The following PLAC9 variants were observed in gnomAD, a reference collection of about 807,000 sequenced individuals.
PLAC9 encodes placenta-specific protein 9.
A neutral mutation model predicts 11.5 loss-of-function variants in PLAC9; 12 were observed. That is an observed-to-expected ratio of 1.05 (90% CI 0.67 to 1.69). The LOEUF is 1.69. Ranked by LOEUF, PLAC9 falls within the 40% of genes most tolerant of loss-of-function variation. The pLI is 0.00. For synonymous variants in PLAC9, 62 were observed against 58.1 expected (o/e 1.07, Z -0.31); for missense variants, 132 against 130.5 (o/e 1.01, Z -0.06).
rs753632730 is a variant in PLAC9 at position 80,132,769 on chromosome 10, C to A, written c.7C>A (p.Pro3Thr). ...GCTCGGCCAGGCCGGCACCATGCGG[C>A]CCCTGCTCTGCGCGCTGACCGGACT... MR[P>T]LLCALTGLAL... Residue 3 changes from proline to threonine, a missense_variant, in exon 1 of 4, where the codon CCC becomes ACC. Coordinates refer to ENST00000372263, the MANE Select transcript of PLAC9 (RefSeq NM_001012973.3). 1 of 1,487,988 alleles carries A rather than the reference C, an allele frequency of 6.7e-7. No individual in the cohort carries two copies. Among genetic ancestry groups the A allele is most frequent in the Non-Finnish European group, 8.9e-7 (1 of 1,127,140 alleles). The allele number at this position is 1,487,988 out of a possible 1,614,324, so 92.2% of individuals were successfully genotyped here.
Position 80,145,355 on chromosome 10 carries a change from A to T in PLAC9, c.*445A>T, listed in dbSNP as rs2132340682. 1 of 232,386 alleles carries T rather than the reference A, an allele frequency of 4.3e-6. No individual in the cohort carries two copies. Among genetic ancestry groups the T allele is most frequent in the Non-Finnish European group, 8.3e-6 (1 of 119,910 alleles). 14.4% of individuals were successfully genotyped at this position (232,386 alleles called of 1,614,324 possible). ...ATTAAAGTGGTTTGTTGTTGTTTTT[A>T]AAAATTTTTCCTATGAAGTGAAATT... is the stretch of plus-strand genomic sequence containing the variant. On this transcript the variant is annotated 3_prime_UTR_variant, in exon 4 of 4. Coordinates refer to ENST00000372263, the MANE Select transcript of PLAC9 (RefSeq NM_001012973.3).
chr10:80,133,943 C>CAAAAAA (rs61127711), intron 1 of PLAC9, among the ~76,000 whole-genome samples: 3 of 107,704 alleles, frequency 2.8e-5, no homozygotes, highest in Non-Finnish European at 3.5e-5. Flanking sequence ...GACTCAGTTT[C>CAAAAAA]AAAAAAAAAA....
rs1258547802 is a variant in PLAC9 at position 80,144,251 on chromosome 10, G to C, written c.191G>C (p.Gly64Ala). The C allele has an allele frequency of 1.2e-6, 2 of 1,614,098 alleles. No homozygotes were observed. Among genetic ancestry groups the C allele is most frequent in the South Asian group, 1.1e-5 (1 of 91,078 alleles). The stretch of plus-strand genomic sequence containing the variant: ...GTAGAGAAGACCGTGGATCACCTGG[G>C]GACAGAGGTGAAAGGCCTGCTGGGC... Reference protein sequence around the residue: ...EMVEKTVDHLGTEVKGLLGLL... With the variant: ...EMVEKTVDHLATEVKGLLGLL... The change falls in exon 3 of 4, where the codon GGG becomes GCG. Residue 64 changes from glycine to alanine, a missense_variant. Gly to Ala is a moderately conservative substitution (Grantham distance 60). Coordinates refer to ENST00000372263, the MANE Select transcript of PLAC9 (RefSeq NM_001012973.3).
upstream of PLAC9, chr10:80,132,509 C>T: frequency 4.7e-6 from 2 of 425,340 alleles, no homozygotes; most frequent in Non-Finnish European, 8.3e-6. Context: ...TGCGGGGACT[C>T]GGGGGGCGGC....
intron 3 of PLAC9, 151 bp downstream of exon 3, chr10:80,144,494 C>T: frequency 2.6e-6 from 3 of 1,174,056 alleles, no homozygotes; most frequent in Non-Finnish European, 3.5e-6. Flanking sequence ...GGGACGGCAT[C>T]ATCCCTGCTC....
intron 1 of PLAC9, among the ~76,000 whole-genome samples, chr10:80,138,373 A>C (rs1845002262): frequency 6.6e-6 from 1 of 152,140 alleles, no homozygotes; most frequent in South Asian, 2.1e-4. Context: ...AAAATAACCA[A>C]AGGGCCATTA....
chr10:80,132,752 A>T lies in PLAC9; in HGVS notation c.-11A>T, dbSNP rs1211756238. 70 of 1,453,706 alleles carry T rather than the reference A, an allele frequency of 4.8e-5. No homozygotes were observed. The highest frequency in any genetic ancestry group is 6.0e-5 in the Non-Finnish European group (67 of 1,113,078). 90.1% of individuals were successfully genotyped at this position (1,453,706 alleles called of 1,614,324 possible). On this transcript the variant is annotated 5_prime_UTR_variant, in exon 1 of 4. Transcript: ENST00000372263. Reference sequence around the variant, plus strand: ...GGCAGACGCGGCGCTGCGCTCGGCCAGGCCGGCACCATGCGGCCCCTGCTC... The same window carrying T: ...GGCAGACGCGGCGCTGCGCTCGGCCTGGCCGGCACCATGCGGCCCCTGCTC...
chr10:80,142,388 C>A (rs1845050880), intron 2 of PLAC9, among the ~76,000 whole-genome samples: 1 of 152,134 alleles, frequency 6.6e-6, no homozygotes, highest in African/African-American at 2.4e-5. Context: ...TTGCTTACCC[C>A]CACCCGGATA....
chr10:80,143,245 C>T (rs113033227), intron 2 of PLAC9, among the ~76,000 whole-genome samples: 5,374 of 149,526 alleles, frequency 0.036, 94 homozygotes, highest in African/African-American at 0.046. Flanking sequence ...TTTTGTACCT[C>T]TGGTAGAGAT....
chr10:80,137,527 G>A (rs183723815), intron 1 of PLAC9, among the ~76,000 whole-genome samples: 10 of 152,308 alleles, frequency 6.6e-5, no homozygotes, highest in African/African-American at 2.4e-4. Context: ...CCTCCCCTAG[G>A]ACGGCCACTC....
chr10:80,139,520 C>T (rs1389228353), intron 1 of PLAC9, among the ~76,000 whole-genome samples: 2 of 152,216 alleles, frequency 1.3e-5, no homozygotes, highest in Non-Finnish European at 2.9e-5. Context: ...CTGTGGAGCA[C>T]TGCTGGGGGA....
chr10:80,144,393 C>A (rs1475251099), intron 3 of PLAC9, 50 bp downstream of exon 3: 2 of 1,528,120 alleles, frequency 1.3e-6, no homozygotes, highest in Non-Finnish European at 1.8e-6. Context: ...TGTCATCTGG[C>A]GCTGGGCAGG....
intron 1 of PLAC9, among the ~76,000 whole-genome samples, chr10:80,140,719 G>C (rs1167123240): frequency 6.6e-6 from 1 of 152,188 alleles, no homozygotes; most frequent in Non-Finnish European, 1.5e-5. Flanking sequence ...ATCAAGAGTT[G>C]AGAGGGGTTT....
At chr10:80,141,056 T>C (rs1233537629) in intron 1 of PLAC9, among the ~76,000 whole-genome samples, 1 of 152,218 alleles carries the variant, frequency 6.6e-6, no homozygotes, top group Non-Finnish European at 1.5e-5. Flanking sequence ...GCACCCTACA[T>C]GGTGCATGGT....
chr10:80,138,063 A>C (rs1844999834), intron 1 of PLAC9, among the ~76,000 whole-genome samples: 1 of 152,222 alleles, frequency 6.6e-6, no homozygotes, highest in African/African-American at 2.4e-5. Flanking sequence ...GAATGCCTGC[A>C]GCCCACAATG....
chr10:80,132,911 GAGAGAGCTGGACACAGCAGCGAGATGGAC>G, intron 1 of PLAC9, 85 bp downstream of exon 1: 1 of 1,207,506 alleles, frequency 8.3e-7, no homozygotes, highest in Non-Finnish European at 1.1e-6. Flanking sequence ...GAGAGACGGA[GAGAGAGCTGGACACAGCAGCGAGATGGAC>G]AGAGAGGCAG....
intron 1 of PLAC9, among the ~76,000 whole-genome samples, chr10:80,134,832 C>T (rs1400779774): frequency 2.8e-5 from 3 of 108,024 alleles, no homozygotes; most frequent in Non-Finnish European, 6.9e-5. Context: ...CTTCTCTCCC[C>T]TTTTTTTACT....
chr10:80,136,993 G>A (rs1232170379), intron 1 of PLAC9, among the ~76,000 whole-genome samples: 2 of 152,236 alleles, frequency 1.3e-5, no homozygotes, highest in African/African-American at 4.8e-5. Context: ...GCTGAACCAG[G>A]CTGAGAAAAG....
At position 80,144,351 on chromosome 10, in the gene PLAC9, G is replaced by C; in HGVS notation, c.283+8G>C. The stretch of plus-strand genomic sequence containing the variant: ...CTCCCGACCTTCTCGGAGGTGAGCA[G>C]TGCAGGTGGCAGAGGACAGCCTCTG... On this transcript the variant is annotated splice_region_variant and intron_variant, in intron 3 of 3. Coordinates refer to ENST00000372263, the MANE Select transcript of PLAC9 (RefSeq NM_001012973.3). 1 of 1,592,426 alleles carries C rather than the reference G, an allele frequency of 6.3e-7. No individual in the cohort carries two copies. Among genetic ancestry groups the C allele is most frequent in the Non-Finnish European group, 8.5e-7 (1 of 1,173,818 alleles).
Sources: gnomAD v4.1 joint callset for allele counts (sites outside exome capture counted in the v4.1 genomes callset) on GRCh38, gnomAD v4.1.1 for gene constraint, MANE v1.5 for transcripts, NCBI Gene and HGNC (gene_info 2026-07-23, HGNC 2026-07-21) for gene names.